ATXN2: variants seen among roughly 807,000 people sequenced by gnomAD.
ATXN2 encodes ataxin-2.
In ATXN2, 37 loss-of-function variants were observed where a neutral mutation model predicts 138.6. That is an observed-to-expected ratio of 0.27 (90% CI 0.21 to 0.35). The LOEUF is 0.35. Ranked by LOEUF, ATXN2 falls within the 10% of genes least tolerant of loss-of-function variation. The pLI, the probability that ATXN2 is intolerant of heterozygous loss-of-function variation, is 1.00. For synonymous variants in ATXN2, 549 were observed against 543.7 expected (o/e 1.01, Z -0.13); for missense variants, 1,216 against 1,480.3 (o/e 0.82, Z 2.93).
At chr12:111,472,788 G>A (rs1331090800) in intron 18 of ATXN2, among the ~76,000 whole-genome samples, 5 of 151,914 alleles carry the variant, frequency 3.3e-5, no homozygotes, top group Non-Finnish European at 7.4e-5. Context: ...TGGCCAGGCT[G>A]GTCTCGAACT....
At chr12:111,463,919 TGA>T (rs1225648947) in intron 21 of ATXN2, among the ~76,000 whole-genome samples, 3 of 152,286 alleles carry the variant, frequency 2.0e-5, no homozygotes, top group South Asian at 4.1e-4. Flanking sequence ...CCCTAGTAGC[TGA>T]GATTATAGGC....
chr12:111,575,797 T>C (rs1231595982), intron 1 of ATXN2, among the ~76,000 whole-genome samples: 1 of 152,034 alleles, frequency 6.6e-6, no homozygotes, highest in African/African-American at 2.4e-5. Flanking sequence ...ATAAAACCAA[T>C]AGTCAGCCAG....
intron 6 of ATXN2, 64 bp from the exon 7 acceptor site, chr12:111,521,037 A>T (rs1880131348): frequency 9.6e-7 from 1 of 1,045,960 alleles, no homozygotes; most frequent in Non-Finnish European, 1.4e-6. Flanking sequence ...ATTCAGTTAT[A>T]ACCAACATCT....
At chr12:111,514,719 C>G (rs1026346464) in intron 10 of ATXN2, among the ~76,000 whole-genome samples, 3 of 151,974 alleles carry the variant, frequency 2.0e-5, no homozygotes, top group African/African-American at 7.3e-5. Flanking sequence ...AACTCCTGAC[C>G]TCAAGTGATC....
At chr12:111,496,993 A>C (rs956278447) in intron 14 of ATXN2, among the ~76,000 whole-genome samples, 4 of 152,186 alleles carry the variant, frequency 2.6e-5, no homozygotes, top group Non-Finnish European at 5.9e-5. Context: ...AAAAAGAGAA[A>C]ACCCAAATAA....
At chr12:111,591,851 G>GCAGGTGGATCGCTTAAGGT (rs2135850745) in intron 1 of ATXN2, among the ~76,000 whole-genome samples, 1 of 152,212 alleles carries the variant, frequency 6.6e-6, no homozygotes, top group Admixed American at 6.6e-5. Flanking sequence ...GGAGGCCAAG[G>GCAGGTGGATCGCTTAAGGT]CAGGTGGATC....
chr12:111,460,398 T>A (rs1875483233), intron 21 of ATXN2, among the ~76,000 whole-genome samples: 2 of 152,192 alleles, frequency 1.3e-5, no homozygotes, highest in Non-Finnish European at 2.9e-5. Context: ...TGGATAGTGA[T>A]GTCTACAGTT....
rs1265240507 is a variant in ATXN2, at chr12:111,516,836, T to A, written c.1166-473A>T. Among the ~76,000 whole-genome samples the A allele has an allele frequency of 6.6e-6, 1 of 152,192 alleles. No individual in the cohort carries two copies. Among genetic ancestry groups the A allele is most frequent in the Non-Finnish European group, 1.5e-5 (1 of 68,016 alleles). On this transcript the variant is annotated intron_variant, in intron 9 of 24. Transcript: ENST00000673436. The surrounding 1 kb of genome is among the most constrained non-coding windows in gnomAD (Gnocchi z 5.0). Reference sequence around the variant, plus strand: ...TATTATATCCAATTAGAAATGCTGGTTCCTTACAATTATCTATGATTTTCA... The same window carrying A: ...TATTATATCCAATTAGAAATGCTGGATCCTTACAATTATCTATGATTTTCA...
intron 5 of ATXN2, among the ~76,000 whole-genome samples, chr12:111,537,413 C>T (rs560130050): frequency 3.3e-5 from 5 of 151,660 alleles, no homozygotes; most frequent in Non-Finnish European, 7.4e-5. Flanking sequence ...GGTGCAACCC[C>T]GTCTTTACTA....
chr12:111,505,269 C>A (rs988325690), intron 14 of ATXN2, among the ~76,000 whole-genome samples: 1 of 151,898 alleles, frequency 6.6e-6, no homozygotes, highest in Non-Finnish European at 1.5e-5. Flanking sequence ...TTAAAAAAAC[C>A]CAGAAGAGTA....
At chr12:111,578,043 A>G (rs1048507603) in intron 1 of ATXN2, among the ~76,000 whole-genome samples, 6 of 151,976 alleles carry the variant, frequency 3.9e-5, no homozygotes, top group Non-Finnish European at 7.4e-5. Context: ...CTAAAAATAC[A>G]AAAATTAGCC....
Position 111,528,179 on chromosome 12 carries a change from A to C in ATXN2, c.572-2863T>G, listed in dbSNP as rs374036959. 2.6e-5 allele frequency among the ~76,000 whole-genome samples: 4 copies of C among 152,224 alleles called. No homozygotes were observed. In the East Asian group the frequency reaches 7.7e-4, roughly 29 times the overall value. On this transcript the variant is annotated intron_variant, in intron 5 of 24. Coordinates refer to ENST00000673436, the MANE Select transcript of ATXN2 (RefSeq NM_001372574.1). ...ATTTAGATAGAAGCTCAGTATTAAA[A>C]ACAATACTCTTTTGATTCAAGAAAT...
chr12:111,522,370 G>T (rs1292837434), intron 6 of ATXN2, among the ~76,000 whole-genome samples: 1 of 149,796 alleles, frequency 6.7e-6, no homozygotes, highest in Non-Finnish European at 1.5e-5. Flanking sequence ...CAGCACTTTG[G>T]GAGGCCGAGG....
At chr12:111,540,227 G>A (rs1289594346) in intron 5 of ATXN2, among the ~76,000 whole-genome samples, 2 of 150,200 alleles carry the variant, frequency 1.3e-5, no homozygotes, top group African/African-American at 2.4e-5. Flanking sequence ...AGACTCCATT[G>A]AAACCATCCA....
chr12:111,479,667 T>C (rs113541773), intron 18 of ATXN2, among the ~76,000 whole-genome samples: 3 of 152,280 alleles, frequency 2.0e-5, no homozygotes, highest in African/African-American at 7.2e-5. Context: ...GCTTTGAATG[T>C]GGCCCAACAC....
chr12:111,567,362 T>C (rs1883067919), intron 1 of ATXN2, among the ~76,000 whole-genome samples: 1 of 151,816 alleles, frequency 6.6e-6, no homozygotes. Context: ...TAGCCTGGCG[T>C]GGTGGCATGC....
chr12:111,510,028 G>A (rs369229333), intron 12 of ATXN2, 30 bp from the exon 13 acceptor site: 22 of 1,480,640 alleles, frequency 1.5e-5, no homozygotes, highest in African/African-American at 1.1e-4. Flanking sequence ...AAAAAATTCA[G>A]ATAAGTTAGA....
At chr12:111,536,037 T>G (rs980844925) in intron 5 of ATXN2, among the ~76,000 whole-genome samples, 6 of 148,756 alleles carry the variant, frequency 4.0e-5, no homozygotes, top group African/African-American at 1.3e-4. Context: ...TAATGAGAGA[T>G]AAGGTTGAAA....
intron 6 of ATXN2, among the ~76,000 whole-genome samples, chr12:111,522,192 A>G (rs1880194262): frequency 6.7e-6 from 1 of 149,210 alleles, no homozygotes; most frequent in African/African-American, 2.5e-5. Flanking sequence ...TTACTTATGG[A>G]GGCTTTAAAA....
Sources: allele counts gnomAD v4.1 joint callset (sites outside exome capture counted in the v4.1 genomes callset), GRCh38; gene constraint gnomAD v4.1.1; non-coding constraint Gnocchi (gnomAD v3.1); transcripts MANE v1.5; gene names NCBI Gene and HGNC (gene_info 2026-07-23, HGNC 2026-07-21).